Variants in NALF1 observed in about 807,000 individuals in gnomAD.
NALF1 encodes the protein family with sequence similarity 155 member A.
Under a neutral mutation model 48.4 loss-of-function variants are expected in NALF1, and 3 were observed. The observed-to-expected ratio is 0.06, with a 90% CI of 0.03 to 0.16. NALF1 has a LOEUF of 0.16. Among genes scored for constraint, NALF1 ranks in the 10% least tolerant of loss-of-function variants. NALF1 has a pLI of 1.00. For missense variants in NALF1, 526 were observed against 571.5 expected (o/e 0.92, Z 0.81); for synonymous variants, 262 against 245.7 (o/e 1.07, Z -0.62).
At chr13:107,486,582 G>A (rs1189168691) in intron 1 of NALF1, among the ~76,000 whole-genome samples, 5 of 152,166 alleles carry the variant, frequency 3.3e-5, no homozygotes, top group Non-Finnish European at 2.9e-5. Flanking sequence ...CTGGGCTGCA[G>A]TAGGTGAACC....
intron 1 of NALF1, among the ~76,000 whole-genome samples, chr13:107,588,811 GC>G (rs561866265): frequency 1.5e-3 from 223 of 152,154 alleles, no homozygotes; most frequent in Non-Finnish European, 2.5e-3. Flanking sequence ...GTGAATAAAT[GC>G]GGGGGAAAAA....
At chr13:107,275,497 G>A (rs1881262205) in intron 1 of NALF1, among the ~76,000 whole-genome samples, 1 of 152,054 alleles carries the variant, frequency 6.6e-6, no homozygotes. Context: ...TAATATATTA[G>A]TTGTCTATTA....
At chr13:107,427,588 T>A (rs67198058) in intron 1 of NALF1, among the ~76,000 whole-genome samples, 48,030 of 152,058 alleles carry the variant, frequency 0.32, 7,744 homozygotes, top group African/African-American at 0.4. Flanking sequence ...AAATTAAGGT[T>A]GCAAAAAGAA....
At chr13:107,469,208 G>A (rs528392674) in intron 1 of NALF1, among the ~76,000 whole-genome samples, 4 of 152,158 alleles carry the variant, frequency 2.6e-5, no homozygotes, top group South Asian at 4.1e-4. Flanking sequence ...ATTTTAGAGC[G>A]CATTTATTAT....
At chr13:107,775,200 C>A (rs1039839927) in intron 1 of NALF1, among the ~76,000 whole-genome samples, 1 of 111,872 alleles carries the variant, frequency 8.9e-6, no homozygotes, top group Admixed American at 1.1e-4. Context: ...TGCTATCCCT[C>A]CCCCCTCCCC....
intron 1 of NALF1, among the ~76,000 whole-genome samples, chr13:107,812,974 T>C (rs1286062576): frequency 6.6e-6 from 1 of 152,114 alleles, no homozygotes; most frequent in Non-Finnish European, 1.5e-5. Flanking sequence ...CAGGCCAGTC[T>C]TGAGCTCTTG....
intron 1 of NALF1, among the ~76,000 whole-genome samples, chr13:107,460,339 G>T (rs1477344078): frequency 6.6e-6 from 1 of 152,142 alleles, no homozygotes; most frequent in Non-Finnish European, 1.5e-5. Flanking sequence ...AGCAACGAGG[G>T]TTATCTACTC....
intron 1 of NALF1, among the ~76,000 whole-genome samples, chr13:107,391,588 C>T (rs1883628207): frequency 6.6e-6 from 1 of 151,978 alleles, no homozygotes; most frequent in African/African-American, 2.4e-5. Flanking sequence ...TTACAACCCT[C>T]TCTCTCTCTG....
At chr13:107,400,862 G>A (rs1883794894) in intron 1 of NALF1, among the ~76,000 whole-genome samples, 1 of 151,864 alleles carries the variant, frequency 6.6e-6, no homozygotes, top group African/African-American at 2.4e-5. Flanking sequence ...ATATCACTGG[G>A]CTCAAAAGCA....
At chr13:107,475,370 G>A (rs1300348547) in intron 1 of NALF1, among the ~76,000 whole-genome samples, 7 of 152,258 alleles carry the variant, frequency 4.6e-5, no homozygotes, top group Non-Finnish European at 7.4e-5. Context: ...GAAGGTTTGC[G>A]TTAGTTTTTA....
At chr13:107,462,303 T>C (rs1183342510) in intron 1 of NALF1, among the ~76,000 whole-genome samples, 1 of 151,268 alleles carries the variant, frequency 6.6e-6, no homozygotes, top group Non-Finnish European at 1.5e-5. Context: ...TTCTCTAAAA[T>C]GAAAGAAAAA....
intron 1 of NALF1, among the ~76,000 whole-genome samples, chr13:107,383,865 A>G (rs908756425): frequency 2.6e-5 from 4 of 152,226 alleles, no homozygotes; most frequent in African/African-American, 9.6e-5. Flanking sequence ...TTTACCTAAA[A>G]GATAAATTGG....
intron 2 of NALF1, among the ~76,000 whole-genome samples, chr13:107,208,236 C>A (rs1204007828): frequency 2.6e-5 from 4 of 152,140 alleles, no homozygotes; most frequent in Non-Finnish European, 5.9e-5. Flanking sequence ...TCCAAATGTT[C>A]AGTGATGAGA....
intron 1 of NALF1, among the ~76,000 whole-genome samples, chr13:107,835,133 C>T (rs1308156063): frequency 1.3e-5 from 2 of 152,012 alleles, no homozygotes; most frequent in Non-Finnish European, 2.9e-5. Context: ...TGATGTAGCA[C>T]GATATTTATT....
chr13:107,595,535 C>G (rs879111733), intron 1 of NALF1, among the ~76,000 whole-genome samples: 3 of 152,068 alleles, frequency 2.0e-5, no homozygotes, highest in Admixed American at 1.3e-4. Flanking sequence ...TCATAACAAG[C>G]CAAACTAGTA....
intron 1 of NALF1, among the ~76,000 whole-genome samples, chr13:107,267,834 A>G (rs948321740): frequency 2.3e-4 from 35 of 152,186 alleles, no homozygotes; most frequent in African/African-American, 8.4e-4. Flanking sequence ...CGCGATGGCT[A>G]CTAAGCGACT....
chr13:107,785,134 ATG>A (rs970491315), intron 1 of NALF1, among the ~76,000 whole-genome samples: 34 of 151,982 alleles, frequency 2.2e-4, no homozygotes, highest in African/African-American at 8.0e-4. Context: ...ATTCATATAT[ATG>A]TGTGTGTATA....
chr13:107,328,668 C>T (rs181641291), intron 1 of NALF1, among the ~76,000 whole-genome samples: 2 of 152,204 alleles, frequency 1.3e-5, no homozygotes, highest in Non-Finnish European at 2.9e-5. Context: ...TCCTTTTATC[C>T]ATGTCCTGGA....
At chr13:107,644,667 G>T (rs1594180383) in intron 1 of NALF1, among the ~76,000 whole-genome samples, 5 of 42,200 alleles carry the variant, frequency 1.2e-4, no homozygotes, top group African/African-American at 2.0e-4. Flanking sequence ...ATATATATAT[G>T]CTTTCACTTA....
Sources: allele counts gnomAD v4.1 joint callset (sites outside exome capture counted in the v4.1 genomes callset), GRCh38; gene constraint gnomAD v4.1.1; transcripts MANE v1.5; gene names NCBI Gene and HGNC (gene_info 2026-07-23, HGNC 2026-07-21).